The following CADM2 variants were observed in gnomAD, a reference collection of about 807,000 sequenced individuals.
The protein encoded by CADM2 is cell adhesion molecule 2.
A neutral mutation model predicts 49.8 loss-of-function variants in CADM2; 12 were observed. The ratio of observed to expected loss-of-function variants is 0.24; its 90% confidence interval spans 0.15 to 0.39. CADM2 has a LOEUF of 0.39. Ranked by LOEUF, CADM2 falls within the 10% of genes least tolerant of loss-of-function variation. CADM2 has a pLI of 1.00. For synonymous variants in CADM2, 214 were observed against 175.4 expected, an observed-to-expected ratio of 1.22 and a Z score of -1.74; for missense variants, 378 against 492.3, an observed-to-expected ratio of 0.77 and a Z score of 2.20.
chr3:85,095,139 T>A (rs751068038), intron 1 of CADM2, among the ~76,000 whole-genome samples: 3 of 152,216 alleles, frequency 2.0e-5, no homozygotes, highest in Non-Finnish European at 2.9e-5. Context: ...CCAAAGTAAT[T>A]GTTCAAACGT....
chr3:85,379,056 T>C (rs2033752416), intron 1 of CADM2, among the ~76,000 whole-genome samples: 1 of 151,912 alleles, frequency 6.6e-6, no homozygotes, highest in Non-Finnish European at 1.5e-5. Context: ...TAAGATGCAA[T>C]AAGATGAATG....
intron 2 of CADM2, among the ~76,000 whole-genome samples, chr3:85,769,222 A>G (rs1158219498): frequency 8.5e-6 from 1 of 118,048 alleles, no homozygotes; most frequent in Admixed American, 1.0e-4. Flanking sequence ...TATATAGTAT[A>G]TATACACACA....
chr3:85,596,604 T>C (rs1259524371), intron 1 of CADM2, among the ~76,000 whole-genome samples: 1 of 150,042 alleles, frequency 6.7e-6, no homozygotes, highest in Non-Finnish European at 1.5e-5. Context: ...CCACTTACCA[T>C]GAGATCTACC....
intron 5 of CADM2, among the ~76,000 whole-genome samples, chr3:85,890,692 C>CTTTTTTTT (rs11425614): frequency 6.7e-6 from 1 of 149,532 alleles, no homozygotes; most frequent in South Asian, 2.1e-4. Flanking sequence ...AAAAGAAAGA[C>CTTTTTTTT]TTTTTTTTTT....
chr3:85,724,435 T>G (rs1041279526), intron 1 of CADM2, among the ~76,000 whole-genome samples: 1 of 151,778 alleles, frequency 6.6e-6, no homozygotes, highest in Non-Finnish European at 1.5e-5. Flanking sequence ...CTAAGAGATA[T>G]GCCATAAAGA....
intron 2 of CADM2, among the ~76,000 whole-genome samples, chr3:85,730,230 T>A (rs1454135278): frequency 6.6e-6 from 1 of 151,950 alleles, no homozygotes; most frequent in Non-Finnish European, 1.5e-5. Flanking sequence ...TCACTTGAGG[T>A]CAGGAATTTG....
In CADM2 at chr3:86,071,803, T is replaced by A. The variant is rs1703294262; in HGVS notation, c.*5020T>A. ...TATAACTTTATAAGAATAGTCCTTC[T>A]CCTGCCTATTTAATATTTCAATGTT... On this transcript the variant is annotated 3_prime_UTR_variant, in exon 10 of 10. Transcript: ENST00000383699. 1 of 151,996 alleles carries A rather than the reference T, an allele frequency of 6.6e-6. No individual in the cohort carries two copies. The allele number at this position is 151,996 out of a possible 1,614,324, so 9.4% of individuals were successfully genotyped here.
intron 1 of CADM2, among the ~76,000 whole-genome samples, chr3:85,471,435 T>A (rs2038759417): frequency 6.6e-6 from 1 of 152,136 alleles, no homozygotes; most frequent in Non-Finnish European, 1.5e-5. Flanking sequence ...CCATCTGCCT[T>A]GTTAAAATTA....
rs112089246 is a variant in CADM2, at chr3:85,262,295, G to C, written c.61+302627G>C. On this transcript the variant is annotated intron_variant, in intron 1 of 9. Transcript: ENST00000383699. The stretch of plus-strand genomic sequence containing the variant: ...ATATTACATATTATAATTTTCTAGA[G>C]AAATTTTTGAATCTCAATTTTGGCA... Among the ~76,000 whole-genome samples, 333 of 152,058 alleles carry C rather than the reference G, an allele frequency of 2.2e-3. 3 individuals are homozygous for C. Among genetic ancestry groups the C allele is most frequent in the African/African-American group, 7.2e-3 (299 of 41,526 alleles).
intron 8 of CADM2, among the ~76,000 whole-genome samples, chr3:85,974,231 G>A (rs754538264): frequency 6.6e-6 from 1 of 151,526 alleles, no homozygotes; most frequent in Non-Finnish European, 1.5e-5. Context: ...TTTGAACCAG[G>A]ATTTAAAGGA....
chr3:86,047,094 A>G (rs1421968700), intron 8 of CADM2, among the ~76,000 whole-genome samples: 3 of 152,056 alleles, frequency 2.0e-5, no homozygotes, highest in Admixed American at 2.0e-4. Flanking sequence ...TATGAAATTA[A>G]GTTCGCTTCT....
At chr3:85,999,705 T>G (rs1729928780) in intron 8 of CADM2, among the ~76,000 whole-genome samples, 1 of 151,600 alleles carries the variant, frequency 6.6e-6, no homozygotes, top group Non-Finnish European at 1.5e-5. Context: ...TGAAAGAAAC[T>G]TATTTAATTT....
chr3:85,388,998 C>T (rs1398057801), intron 1 of CADM2, among the ~76,000 whole-genome samples: 1 of 152,110 alleles, frequency 6.6e-6, no homozygotes, highest in Admixed American at 6.6e-5. Flanking sequence ...ATCCTCTCTC[C>T]TATGATCGGA....
chr3:85,172,660 T>C (rs1159952873), intron 1 of CADM2, among the ~76,000 whole-genome samples: 1 of 151,762 alleles, frequency 6.6e-6, no homozygotes, highest in East Asian at 1.9e-4. Flanking sequence ...GAAGTTTGAA[T>C]TGTTTTCTCT....
Position 85,961,610 on chromosome 3 carries a change from T to C in CADM2, c.933T>C (p.Ile311=). The part of the protein sequence containing the change: ...GTYRCEATNT[I]GQSSAEYVLI... Reference sequence around the variant, plus strand: ...ATCGATGTGAAGCCACAAACACCATTGGCCAAAGCAGTGCGGAATATGTTC... The same window carrying C: ...ATCGATGTGAAGCCACAAACACCATCGGCCAAAGCAGTGCGGAATATGTTC... Residue 311 remains isoleucine (I), a synonymous_variant, in exon 8 of 10, where the codon ATT becomes ATC. Coordinates refer to ENST00000383699, the MANE Select transcript of CADM2 (RefSeq NM_001167675.2). 1 of 1,599,946 alleles carries C rather than the reference T, an allele frequency of 6.3e-7. No homozygotes were observed. The highest frequency in any genetic ancestry group is 1.3e-5 in the African/African-American group (1 of 74,776).
At chr3:85,937,110 C>T (rs1321845169) in intron 7 of CADM2, among the ~76,000 whole-genome samples, 1 of 151,690 alleles carries the variant, frequency 6.6e-6, no homozygotes, top group Non-Finnish European at 1.5e-5. Context: ...ACAGTAGAAA[C>T]ATTATTTTAC....
intron 1 of CADM2, among the ~76,000 whole-genome samples, chr3:85,416,584 C>T (rs1295424258): frequency 2.0e-5 from 3 of 152,048 alleles, no homozygotes; most frequent in Admixed American, 6.5e-5. Flanking sequence ...CCTAATGCCC[C>T]CACTCCAAAG....
At chr3:85,547,249 G>A (rs2061689194) in intron 1 of CADM2, among the ~76,000 whole-genome samples, 1 of 152,008 alleles carries the variant, frequency 6.6e-6, no homozygotes, top group African/African-American at 2.4e-5. Flanking sequence ...GCAAATATTT[G>A]TTCAGTGCTA....
chr3:85,471,519 G>T (rs988616228), intron 1 of CADM2, among the ~76,000 whole-genome samples: 2 of 151,890 alleles, frequency 1.3e-5, no homozygotes, highest in African/African-American at 4.8e-5. Flanking sequence ...CAAAATAAAA[G>T]GCAGAACGTG....
Sources: gnomAD v4.1 joint callset for allele counts (sites outside exome capture counted in the v4.1 genomes callset) on GRCh38, gnomAD v4.1.1 for gene constraint, MANE v1.5 for transcripts, NCBI Gene and HGNC (gene_info 2026-07-23, HGNC 2026-07-21) for gene names.